SGSM3: variants seen among roughly 807,000 people sequenced by gnomAD.
SGSM3 encodes small G protein signaling modulator 3.
SGSM3 carries 96 observed loss-of-function variants against 100.5 expected under a neutral mutation model. That is an observed-to-expected ratio of 0.96 (90% CI 0.81 to 1.13). The LOEUF (loss-of-function observed/expected upper bound fraction) is 1.13, where lower values mean the gene tolerates loss of function less well. Ranked by LOEUF, SGSM3 falls within the 50% of genes most tolerant of loss-of-function variation. The pLI is 0.00. For missense variants in SGSM3, 1,001 were observed against 1,015.8 expected (o/e 0.99, Z 0.20); for synonymous variants, 483 against 422.8 (o/e 1.14, Z -1.75).
At chr22:40,408,566 C>T in intron 16 of SGSM3, 61 bp from the exon 17 acceptor site, 1 of 1,605,020 alleles carries the variant, frequency 6.2e-7, no homozygotes, top group Non-Finnish European at 8.5e-7. Context: ...CCAGTCGGCC[C>T]CAAGGGCTTT....
At chr22:40,392,813 C>A (rs1458601369) in intron 1 of SGSM3, among the ~76,000 whole-genome samples, 1 of 152,162 alleles carries the variant, frequency 6.6e-6, no homozygotes. Context: ...AAGAAAACTC[C>A]GTTACTCATT....
rs1269097120 is a variant in SGSM3 at position 40,404,299 on chromosome 22, T to C, written c.210T>C (p.Asp70=). Residue 70 remains aspartate, a synonymous_variant, in exon 5 of 22, where the codon GAT becomes GAC. Coordinates refer to ENST00000248929, the MANE Select transcript of SGSM3 (RefSeq NM_015705.6). Reference sequence around the variant, plus strand: ...TGGCGAACTCCCCTCTGATGGAGGATGCTCCACAGAGGCTGCGGTGGCAGG... The same window carrying C: ...TGGCGAACTCCCCTCTGATGGAGGACGCTCCACAGAGGCTGCGGTGGCAGG... ...SLLANSPLME[D]APQRLRWQAH... is the part of the protein sequence containing the mutation. 1 of 1,553,724 alleles carries C rather than the reference T, an allele frequency of 6.4e-7. No individual in the cohort carries two copies. The highest frequency in any genetic ancestry group is 8.7e-7 in the Non-Finnish European group (1 of 1,148,994).
rs1332626736 is a variant in SGSM3 at position 40,400,773 on chromosome 22, G to A, written c.-34G>A. 1.3e-6 allele frequency: 2 copies of A among 1,551,076 alleles called. No individual in the cohort carries two copies. The highest frequency in any genetic ancestry group is 8.7e-7 in the Non-Finnish European group (1 of 1,146,464). ...AGCAGGATAGGAGACTTCTAAGATT[G>A]GAGCTGCAGAAGACTTGCCAGCCCA... On this transcript the variant is annotated 5_prime_UTR_variant, in exon 2 of 22. Transcript: ENST00000248929.
At chr22:40,405,588 C>A in intron 7 of SGSM3, 61 bp from the exon 8 acceptor site, 2 of 1,485,788 alleles carry the variant, frequency 1.3e-6, no homozygotes, top group Non-Finnish European at 1.8e-6. Context: ...AGGGTAGGGG[C>A]ACCTTTTCTA....
chr22:40,388,637 G>A (rs550175733), intron 1 of SGSM3, among the ~76,000 whole-genome samples: 2 of 152,298 alleles, frequency 1.3e-5, no homozygotes, highest in African/African-American at 4.8e-5. Flanking sequence ...GGTAGAGAGT[G>A]GTTGGAGGGA....
chr22:40,385,751 AG>A (rs1350247916), intron 1 of SGSM3, among the ~76,000 whole-genome samples: 1 of 152,268 alleles, frequency 6.6e-6, no homozygotes, highest in Non-Finnish European at 1.5e-5. Flanking sequence ...AAAGTCAACT[AG>A]AGATGAATGA....
At chr22:40,408,154 A>T in intron 15 of SGSM3, 34 bp downstream of exon 15, 1 of 1,610,738 alleles carries the variant, frequency 6.2e-7, no homozygotes, top group Non-Finnish European at 8.5e-7. Context: ...CACGGCTGGC[A>T]CCCTTCTAGC....
In SGSM3 at chr22:40,409,387, G is replaced by A. The variant is rs747027609; in HGVS notation, c.2111+15G>A. On this transcript the variant is annotated intron_variant, in intron 20 of 21. Transcript: ENST00000248929. ...TGTGAGCTCCGGTGAGGACCTTACTGGGCTTGGGGGATGGAGGTGGGGTGG... is the reference window on the plus strand; with the variant it reads ...TGTGAGCTCCGGTGAGGACCTTACTAGGCTTGGGGGATGGAGGTGGGGTGG... 28 of 1,583,176 alleles carry A rather than the reference G, an allele frequency of 1.8e-5. No individual in the cohort carries two copies. In the East Asian group the frequency reaches 6.1e-4, roughly 34 times the overall value.
chr22:40,385,783 A>C (rs1402954146), intron 1 of SGSM3, among the ~76,000 whole-genome samples: 1 of 152,202 alleles, frequency 6.6e-6, no homozygotes, highest in Admixed American at 6.5e-5. Context: ...GCAACCGTGA[A>C]GATAAATAGC....
intron 1 of SGSM3, among the ~76,000 whole-genome samples, chr22:40,375,380 G>A (rs1391758085): frequency 6.6e-6 from 1 of 152,138 alleles, no homozygotes; most frequent in African/African-American, 2.4e-5. Flanking sequence ...AGGAGTTTGA[G>A]ACTAGCCTGG....
intron 1 of SGSM3, among the ~76,000 whole-genome samples, chr22:40,398,129 A>T (rs1269132169): frequency 6.6e-6 from 1 of 151,808 alleles, no homozygotes; most frequent in East Asian, 1.9e-4. Flanking sequence ...CACCACGCCC[A>T]GCTAATTTTT....
chr22:40,407,910 A>C lies in SGSM3; in HGVS notation c.1579+67A>C. The C allele has an allele frequency of 1.3e-6, 2 of 1,513,094 alleles. No homozygotes were observed. The highest frequency in any genetic ancestry group is 9.0e-7 in the Non-Finnish European group (1 of 1,108,002). 93.7% of individuals were successfully genotyped at this position (1,513,094 alleles called of 1,614,324 possible). ...GGGGTGGGCACAGAAGACTTGGGTG[A>C]CCCTGGCCGCCACCAAGCTGTTCTC... On this transcript the variant is annotated intron_variant, in intron 14 of 21. Coordinates refer to ENST00000248929, the MANE Select transcript of SGSM3 (RefSeq NM_015705.6). The surrounding 1 kb of genome is among the most constrained non-coding windows in gnomAD (Gnocchi z 4.7).
chr22:40,382,382 T>G (rs1013210769), intron 1 of SGSM3, among the ~76,000 whole-genome samples: 6 of 152,138 alleles, frequency 3.9e-5, no homozygotes, highest in African/African-American at 1.4e-4. Context: ...CAGTTGCAGC[T>G]AGGTGGGACT....
At chr22:40,401,810 T>TAGCCC in intron 3 of SGSM3, 135 bp downstream of exon 3, 1 of 726,144 alleles carries the variant, frequency 1.4e-6, no homozygotes. Context: ...GATGGTATCT[T>TAGCCC]AGCCCCATGT....
rs547215062 is a variant in SGSM3, at chr22:40,408,471, C to G, written c.1782+42C>G. ...GCCCATGACCCCCACCCTGCACCAGCCCTGCTGTGCCCCCTAGTACCCATC... is the reference window on the plus strand; with the variant it reads ...GCCCATGACCCCCACCCTGCACCAGGCCTGCTGTGCCCCCTAGTACCCATC... On this transcript the variant is annotated intron_variant, in intron 16 of 21. Coordinates refer to ENST00000248929, the MANE Select transcript of SGSM3 (RefSeq NM_015705.6). The G allele has an allele frequency of 1.8e-5, 29 of 1,606,660 alleles. No homozygotes were observed. The African/African-American group carries it at 3.7e-4, about 21-fold the overall frequency.
intron 1 of SGSM3, among the ~76,000 whole-genome samples, chr22:40,383,249 C>A (rs185596569): frequency 6.6e-6 from 1 of 152,058 alleles, no homozygotes; most frequent in East Asian, 1.9e-4. Flanking sequence ...GGGCAGATCA[C>A]GAGGTCAGGA....
intron 1 of SGSM3, among the ~76,000 whole-genome samples, chr22:40,371,889 G>T (rs1050057706): frequency 6.6e-5 from 10 of 151,554 alleles, no homozygotes; most frequent in Middle Eastern, 3.4e-3. Flanking sequence ...TAGAGACGGG[G>T]TTTTTCGCCA....
At chr22:40,408,011 T>C (rs981276367) in intron 14 of SGSM3, 60 bp from the exon 15 acceptor site, 9 of 1,560,886 alleles carry the variant, frequency 5.8e-6, no homozygotes, top group Non-Finnish European at 7.0e-6. Context: ...GCCTGCAGGC[T>C]GTGTCTGCTC....
At chr22:40,395,541 C>G (rs1044504627) in intron 1 of SGSM3, among the ~76,000 whole-genome samples, 1 of 152,060 alleles carries the variant, frequency 6.6e-6, no homozygotes, top group Non-Finnish European at 1.5e-5. Flanking sequence ...AGGTTGGTCT[C>G]GAACTCCTGA....
Sources: allele counts gnomAD v4.1 joint callset (sites outside exome capture counted in the v4.1 genomes callset), GRCh38; gene constraint gnomAD v4.1.1; non-coding constraint Gnocchi (gnomAD v3.1); transcripts MANE v1.5; gene names NCBI Gene and HGNC (gene_info 2026-07-23, HGNC 2026-07-21).